Variants in RGS3 observed in about 807,000 individuals in gnomAD.
RGS3 encodes regulator of G-protein signalling 3.
RGS3 carries 80 observed loss-of-function variants against 132.6 expected under a neutral mutation model. That is an observed-to-expected ratio of 0.60 (90% CI 0.50 to 0.73). RGS3 has a LOEUF of 0.73. Ranked by LOEUF, RGS3 falls within the 30% of genes least tolerant of loss-of-function variation. The probability of loss-of-function intolerance (pLI) is 0.00; values close to 1 mark genes in which losing one functional copy is unlikely to be tolerated. For missense variants in RGS3, 1,382 were observed against 1,530.8 expected, an observed-to-expected ratio of 0.90 and a Z score of 1.62; for synonymous variants, 598 against 620.6, an observed-to-expected ratio of 0.96 and a Z score of 0.54.
At chr9:113,582,155 G>T in intron 19 of RGS3, 6 of 985,484 alleles carry the variant, frequency 6.1e-6, no homozygotes, top group Non-Finnish European at 7.2e-6. Flanking sequence ...CAGCTGTGGG[G>T]CTTCACCATT....
chr9:113,529,368 A>C lies in RGS3; in HGVS notation c.1914+104A>C, dbSNP rs1360741575. 8.9e-6 allele frequency: 9 copies of C among 1,010,964 alleles called. No individual in the cohort carries two copies. The Admixed American group carries it at 1.6e-4, about 18-fold the overall frequency. The allele number at this position is 1,010,964 out of a possible 1,614,324, so 62.6% of individuals were successfully genotyped here. The stretch of plus-strand genomic sequence containing the variant: ...CCAGTGTTCTGATGCCAGCCTCCAT[A>C]CCCACTCATGCCGAAGTCCTGGGCA... On this transcript the variant is annotated intron_variant, in intron 18 of 24. Coordinates refer to ENST00000350696, the Ensembl canonical transcript of RGS3.
chr9:113,456,570 G>A (rs1829366016), upstream of RGS3, among the ~76,000 whole-genome samples: 1 of 151,726 alleles, frequency 6.6e-6, no homozygotes, highest in South Asian at 2.1e-4. Flanking sequence ...CTTTTACCTG[G>A]ATGACCAGAA....
Position 113,463,808 on chromosome 9 carries a change from G to A in RGS3, c.415+1607G>A. 3 of 1,611,478 alleles carry A rather than the reference G, an allele frequency of 1.9e-6. No individual in the cohort carries two copies. Among genetic ancestry groups the A allele is most frequent in the East Asian group, 4.5e-5 (2 of 44,738 alleles). On this transcript the variant is annotated intron_variant, in intron 3 of 24. Transcript: ENST00000350696. This position sits in a 1 kb window ranked among gnomAD's most constrained non-coding sequence, Gnocchi z 4.6. ...CCGGGTCGCAGTGGGACGCCATGGA[G>A]CGCTCCCTGCACCGCGTCTCCCTCG...
chr9:113,455,869 A>G (rs1390368292), upstream of RGS3, among the ~76,000 whole-genome samples: 1 of 152,210 alleles, frequency 6.6e-6, no homozygotes, highest in African/African-American at 2.4e-5. Flanking sequence ...TTAGGACATG[A>G]AAAAAACCTG....
chr9:113,583,451 T>C, exon 20 of RGS3: 1 of 1,614,080 alleles, frequency 6.2e-7, no homozygotes, highest in Non-Finnish European at 8.5e-7. Flanking sequence ...GTTTCCCAGA[T>C]GTTTGAGACG....
At chr9:113,595,398 G>A (rs1184923762) in intron 23 of RGS3, 4 of 593,520 alleles carry the variant, frequency 6.7e-6, no homozygotes, top group African/African-American at 1.9e-5. Context: ...GAGGCATAGA[G>A]AGGGGGAGAC....
At chr9:113,539,476 AT>A (rs1832815995) in intron 19 of RGS3, among the ~76,000 whole-genome samples, 1 of 152,090 alleles carries the variant, frequency 6.6e-6, no homozygotes, top group Non-Finnish European at 1.5e-5. Context: ...TGCCTGGCTA[AT>A]TTTTTTATTT....
intron 19 of RGS3, chr9:113,581,051 G>C (rs1834782541): frequency 1.0e-6 from 1 of 956,120 alleles, no homozygotes; most frequent in Non-Finnish European, 1.2e-6. Context: ...GTCTGGCCAT[G>C]TGGTAGGGTG....
rs575330947 is a variant in RGS3 at position 113,501,691 on chromosome 9, C to T, written c.897+3611C>T. 1.5e-5 allele frequency: 22 copies of T among 1,478,880 alleles called. No homozygotes were observed. The African/African-American group carries it at 2.6e-4, about 18-fold the overall frequency. The allele number at this position is 1,478,880 out of a possible 1,614,324, so 91.6% of individuals were successfully genotyped here. Reference sequence around the variant, plus strand: ...TGTTCAGGGATAGGGGTAGAGGGACCATCTGAGAAGGATCTCGCTCCTCAC... The same window carrying T: ...TGTTCAGGGATAGGGGTAGAGGGACTATCTGAGAAGGATCTCGCTCCTCAC... On this transcript the variant is annotated intron_variant, in intron 10 of 24. Transcript: ENST00000350696.
At chr9:113,454,458 C>T (rs113933499) in intron 1 of RGS3, among the ~76,000 whole-genome samples, 3,764 of 151,862 alleles carry the variant, frequency 0.025, 68 homozygotes, top group Admixed American at 0.038. Flanking sequence ...AAATACAAAA[C>T]TTAGCCAGGT....
At chr9:113,504,609 G>C (rs533151637) in intron 10 of RGS3, among the ~76,000 whole-genome samples, 2 of 152,296 alleles carry the variant, frequency 1.3e-5, no homozygotes, top group Admixed American at 1.3e-4. Context: ...GTGTACCCTC[G>C]TGCTCCTCTG....
intron 19 of RGS3, chr9:113,541,501 C>T (rs1832902625): frequency 6.4e-7 from 1 of 1,572,308 alleles, no homozygotes; most frequent in Non-Finnish European, 8.6e-7. Flanking sequence ...ACAGTAACCT[C>T]ACCTCAACTG....
Position 113,591,387 on chromosome 9 carries a change from A to T in RGS3, c.3070A>T (p.Ser1024Cys). The change falls in exon 21 of 25, where the codon AGC becomes TGC. Residue 1024 changes from serine (S) to cysteine (C), a missense_variant. Physicochemically the swap from Ser to Cys is moderately radical, Grantham distance 112. Coordinates refer to ENST00000350696, the Ensembl canonical transcript of RGS3. The surrounding 1 kb of genome is among the most constrained non-coding windows in gnomAD (Gnocchi z 4.4). ...TGACGAAGCCTCCCGGAAGAGAAAG[A>T]GCAAAAACCTGTACGTTGGGAAGAT... is the stretch of plus-strand genomic sequence containing the variant. 6.2e-7 allele frequency: 1 copy of T among 1,613,574 alleles called. No homozygotes were observed. Among genetic ancestry groups the T allele is most frequent in the Non-Finnish European group, 8.5e-7 (1 of 1,179,894 alleles).
chr9:113,557,641 C>G (rs374680131), intron 19 of RGS3, among the ~76,000 whole-genome samples: 4 of 152,312 alleles, frequency 2.6e-5, no homozygotes, highest in African/African-American at 9.6e-5. Context: ...ATGGTCCTCA[C>G]CCCACAGAGC....
At chr9:113,473,965 T>G (rs1829914483) in intron 3 of RGS3, among the ~76,000 whole-genome samples, 1 of 152,142 alleles carries the variant, frequency 6.6e-6, no homozygotes, top group Admixed American at 6.5e-5. Flanking sequence ...GGTGTTATGA[T>G]CCAGCCAAGA....
intron 15 of RGS3, among the ~76,000 whole-genome samples, chr9:113,516,515 G>T (rs920926478): frequency 6.6e-6 from 1 of 150,948 alleles, no homozygotes; most frequent in South Asian, 2.1e-4. Flanking sequence ...CCACGACCAT[G>T]CCTGGCTAGT....
At chr9:113,497,968 G>C in intron 9 of RGS3, 57 bp from the exon 8 acceptor site, 1 of 1,579,850 alleles carries the variant, frequency 6.3e-7, no homozygotes, top group Non-Finnish European at 8.7e-7. Flanking sequence ...GGTGGTCCGA[G>C]GAGGGGAGAC....
chr9:113,449,827 C>G (rs1263469017), intron 1 of RGS3, among the ~76,000 whole-genome samples: 2 of 151,550 alleles, frequency 1.3e-5, no homozygotes, highest in Non-Finnish European at 2.9e-5. Context: ...ACTGCAACCT[C>G]TGCCTCCCAG....
At chr9:113,449,801 G>GCC (rs1829197906) in intron 1 of RGS3, among the ~76,000 whole-genome samples, 3 of 151,978 alleles carry the variant, frequency 2.0e-5, no homozygotes. Context: ...GGAGTGCAGT[G>GCC]GCTCAGTCTT....
Sources: allele counts gnomAD v4.1 joint callset (sites outside exome capture counted in the v4.1 genomes callset), GRCh38; gene constraint gnomAD v4.1.1; non-coding constraint Gnocchi (gnomAD v3.1); transcripts MANE v1.5; gene names NCBI Gene and HGNC (gene_info 2026-07-23, HGNC 2026-07-21).